STIM2: variants seen among roughly 807,000 people sequenced by gnomAD.
The protein encoded by STIM2 is stromal interaction molecule 2.
STIM2 carries 31 observed loss-of-function variants against 85.8 expected under a neutral mutation model. That is an observed-to-expected ratio of 0.36 (90% CI 0.27 to 0.49). The LOEUF (loss-of-function observed/expected upper bound fraction) is 0.49, where lower values mean the gene tolerates loss of function less well. Among genes scored for constraint, STIM2 ranks in the 20% least tolerant of loss-of-function variants. The pLI is 0.98. For missense variants in STIM2, 841 were observed against 927.6 expected, an observed-to-expected ratio of 0.91 and a Z score of 1.21; for synonymous variants, 356 against 331.1, an observed-to-expected ratio of 1.08 and a Z score of -0.82.
intron 11 of STIM2, among the ~76,000 whole-genome samples, chr4:27,019,911 T>C (rs1424350699): frequency 6.6e-6 from 1 of 152,252 alleles, no homozygotes; most frequent in Non-Finnish European, 1.5e-5. Flanking sequence ...GTATTATGTC[T>C]TATTATCCAA....
At chr4:26,946,449 A>T (rs145632866) in intron 2 of STIM2, among the ~76,000 whole-genome samples, 5 of 152,158 alleles carry the variant, frequency 3.3e-5, no homozygotes, top group African/African-American at 1.2e-4. Flanking sequence ...GAAGAATCTG[A>T]TGAGTGGAAC....
At chr4:26,911,256 A>G (rs533167519) in intron 1 of STIM2, among the ~76,000 whole-genome samples, 2 of 149,352 alleles carry the variant, frequency 1.3e-5, no homozygotes, top group Non-Finnish European at 3.0e-5. Context: ...ATAAATAAAT[A>G]AAATGAAATG....
At chr4:27,014,747 A>G (rs1036173972) in intron 10 of STIM2, among the ~76,000 whole-genome samples, 11 of 151,920 alleles carry the variant, frequency 7.2e-5, no homozygotes, top group East Asian at 1.9e-4. Flanking sequence ...CTGTTCTTCT[A>G]TGAGTTGCAG....
intron 1 of STIM2, among the ~76,000 whole-genome samples, chr4:26,877,411 T>A (rs1358738298): frequency 1.3e-5 from 2 of 152,316 alleles, no homozygotes; most frequent in Admixed American, 6.5e-5. Flanking sequence ...TTACCTTTTT[T>A]AACATATTTA....
intron 3 of STIM2, among the ~76,000 whole-genome samples, chr4:26,965,034 T>TA (rs1297619530): frequency 6.6e-6 from 1 of 152,214 alleles, no homozygotes; most frequent in African/African-American, 2.4e-5. Context: ...ATGCTACAAA[T>TA]ACCTGTGCTG....
rs10031905 is a variant in STIM2 at position 27,021,178 on chromosome 4, A to G, written c.1764-1341A>G. The G allele has an allele frequency of 0.99, 971,499 of 981,690 alleles. 480,752 individuals are homozygous for G. Among genetic ancestry groups the G allele is most frequent in the East Asian group, 1 (37,426 of 37,426 alleles). 60.8% of individuals were successfully genotyped at this position (981,690 alleles called of 1,614,324 possible). A position where few individuals can be genotyped will look rare whatever the true frequency, so the allele number is the denominator to read the frequency against. On this transcript the variant is annotated intron_variant, in intron 11 of 11. Transcript: ENST00000467087. Reference sequence around the variant, plus strand: ...CATTTTTATGAAGTACCTACCGTAAACTTGCCACTCTTCTAGTGCAGAGAA... The same window carrying G: ...CATTTTTATGAAGTACCTACCGTAAGCTTGCCACTCTTCTAGTGCAGAGAA...
chr4:26,886,421 A>G (rs1281805742), intron 1 of STIM2, among the ~76,000 whole-genome samples: 1 of 152,218 alleles, frequency 6.6e-6, no homozygotes, highest in Non-Finnish European at 1.5e-5. Flanking sequence ...AATGAAGGAA[A>G]ATAAAATAGG....
chr4:26,878,591 T>C (rs1722894378), intron 1 of STIM2, among the ~76,000 whole-genome samples: 1 of 152,220 alleles, frequency 6.6e-6, no homozygotes, highest in Admixed American at 6.5e-5. Flanking sequence ...ATATCTCTTT[T>C]TCTTTTCCTT....
At chr4:27,017,627 A>G in intron 10 of STIM2, 84 bp from the exon 11 acceptor site, 2 of 1,505,214 alleles carry the variant, frequency 1.3e-6, no homozygotes, top group African/African-American at 1.4e-5. Context: ...TAGTGACATC[A>G]GTTCTCTTGT....
At chr4:26,909,976 T>A (rs1407383984) in intron 1 of STIM2, among the ~76,000 whole-genome samples, 4 of 152,216 alleles carry the variant, frequency 2.6e-5, no homozygotes, top group Non-Finnish European at 5.9e-5. Context: ...ATTTTTATCA[T>A]CTTTGGAGAG....
intron 2 of STIM2, among the ~76,000 whole-genome samples, chr4:26,954,676 A>G (rs1309220649): frequency 6.7e-6 from 1 of 148,162 alleles, no homozygotes; most frequent in Non-Finnish European, 1.5e-5. Flanking sequence ...TCAGAATTAT[A>G]TGCTTTTTTC....
In STIM2 at chr4:27,022,964, A is replaced by G. The variant is rs1176403943; in HGVS notation, c.2209A>G (p.Ile737Val). ...AGAGAAAAGCAAAAAGCCATCAAAA[A>G]TCAAAAGCCTTTTTAAGAAGAAATC... The change falls in exon 12 of 12, where the codon ATC becomes GTC. Residue 737 changes from isoleucine (I) to valine (V), a missense_variant. Around this residue, in one of 3 missense-constraint regions of STIM2, gnomAD observed 293 missense variants for 284.5 expected, o/e 1.03. Coordinates refer to ENST00000467087, the MANE Select transcript of STIM2 (RefSeq NM_020860.4). The G allele has an allele frequency of 1.2e-6, 2 of 1,613,376 alleles. No individual in the cohort carries two copies. Among genetic ancestry groups the G allele is most frequent in the Non-Finnish European group, 1.7e-6 (2 of 1,179,932 alleles).
chr4:26,974,342 A>G (rs1298386598), intron 3 of STIM2, among the ~76,000 whole-genome samples: 3 of 152,126 alleles, frequency 2.0e-5, no homozygotes, highest in African/African-American at 7.2e-5. Flanking sequence ...TGGTCTTTAC[A>G]ATTTGGCATG....
intron 3 of STIM2, among the ~76,000 whole-genome samples, chr4:26,984,459 C>G (rs539453138): frequency 1.3e-5 from 2 of 152,316 alleles, no homozygotes; most frequent in East Asian, 3.9e-4. Context: ...GTCCCAGGCT[C>G]AAGTGATTCT....
chr4:26,943,615 T>C (rs1725702709), intron 2 of STIM2, among the ~76,000 whole-genome samples: 1 of 152,190 alleles, frequency 6.6e-6, no homozygotes, highest in Admixed American at 6.5e-5. Context: ...AGCTTTAATT[T>C]TGTTTAGTCA....
intron 1 of STIM2, 192 bp downstream of exon 1, chr4:26,861,561 G>A: frequency 2.3e-6 from 2 of 873,588 alleles, no homozygotes; most frequent in Non-Finnish European, 3.0e-6. Context: ...CCGACACCCC[G>A]CCCTCGCCGA....
At chr4:26,882,927 G>C (rs1415259385) in intron 1 of STIM2, among the ~76,000 whole-genome samples, 1 of 151,110 alleles carries the variant, frequency 6.6e-6, no homozygotes, top group Non-Finnish European at 1.5e-5. Context: ...AACCTCCGCT[G>C]CCTGGGTTCA....
Position 27,008,586 on chromosome 4 carries a change from T to C in STIM2, c.1250+58T>C, listed in dbSNP as rs551838835. ...ATGTTTATTGTGTTAAAATGAGTAA[T>C]TTGTGAACAATTTATATTTATCATT... On this transcript the variant is annotated intron_variant, in intron 9 of 11. Coordinates refer to ENST00000467087, the MANE Select transcript of STIM2 (RefSeq NM_020860.4). 20 of 1,275,300 alleles carry C rather than the reference T, an allele frequency of 1.6e-5. No homozygotes were observed. In the East Asian group the frequency reaches 4.5e-4, roughly 29 times the overall value. The allele number at this position is 1,275,300 out of a possible 1,614,324, so 79.0% of individuals were successfully genotyped here.
At chr4:26,906,737 A>G (rs1175337626) in intron 1 of STIM2, among the ~76,000 whole-genome samples, 1 of 152,080 alleles carries the variant, frequency 6.6e-6, no homozygotes, top group Non-Finnish European at 1.5e-5. Context: ...TCCAAAGTTT[A>G]AAGGCACACT....
Sources: gnomAD v4.1 joint callset for allele counts (sites outside exome capture counted in the v4.1 genomes callset) on GRCh38, gnomAD v4.1.1 for gene constraint, gnomAD v4.1.1 regional missense constraint, MANE v1.5 for transcripts, NCBI Gene and HGNC (gene_info 2026-07-23, HGNC 2026-07-21) for gene names.